RAPGEF3: variants seen among roughly 807,000 people sequenced by gnomAD.
RAPGEF3 encodes the protein Rap guanine nucleotide exchange factor 3, also known as 9330170P05Rik.
A neutral mutation model predicts 129.8 loss-of-function variants in RAPGEF3; 103 were observed. The ratio of observed to expected loss-of-function variants is 0.79; its 90% CI spans 0.68 to 0.93. The LOEUF is 0.93. Among genes scored for constraint, RAPGEF3 ranks in the 40% least tolerant of loss-of-function variants. The pLI is 0.00. For synonymous variants in RAPGEF3, 436 were observed against 482.6 expected (o/e 0.90, Z 1.26); for missense variants, 1,117 against 1,207.4 (o/e 0.93, Z 1.11).
intron 15 of RAPGEF3, 70 bp downstream of exon 15, chr12:47,747,474 A>C: frequency 6.6e-7 from 1 of 1,507,598 alleles, no homozygotes. Context: ...TTGACTCCAG[A>C]GCGTATGCTC....
In RAPGEF3 at chr12:47,758,747, T is replaced by A; in HGVS notation, c.-191A>T. 3 of 1,242,760 alleles carry A rather than the reference T, an allele frequency of 2.4e-6. No homozygotes were observed. Among genetic ancestry groups the A allele is most frequent in the Non-Finnish European group, 3.0e-6 (3 of 986,830 alleles). 77.0% of individuals were successfully genotyped at this position (1,242,760 alleles called of 1,614,324 possible). ...ATGCAGGGCTCGGTGGAGAGGCTCC[T>A]CTTGGGTGAGTAGAGGGGTGGGGGC... On this transcript the variant is annotated 5_prime_UTR_variant, in exon 1 of 28. Transcript: ENST00000449771.
intron 2 of RAPGEF3, among the ~76,000 whole-genome samples, chr12:47,752,207 T>C (rs1941794350): frequency 6.6e-6 from 1 of 152,146 alleles, no homozygotes; most frequent in Non-Finnish European, 1.5e-5. Context: ...CTCCCTACAG[T>C]TGAGAGCCCT....
In RAPGEF3 at chr12:47,740,123, G is replaced by T; in HGVS notation, c.2373+18C>A. 6.2e-7 allele frequency: 1 copy of T among 1,610,386 alleles called. No individual in the cohort carries two copies. The highest frequency in any genetic ancestry group is 8.5e-7 in the Non-Finnish European group (1 of 1,178,600). On this transcript the variant is annotated intron_variant, in intron 23 of 27. Coordinates refer to ENST00000449771, the MANE Select transcript of RAPGEF3 (RefSeq NM_001098531.4). ...GCTGATCCTAGCAGAGCCAGGCCGG[G>T]CAGGGTGGAGCACTCACCAGCAGCC...
Position 47,738,189 on chromosome 12 carries a change from T to G in RAPGEF3, c.2581+4A>C, listed in dbSNP as rs1940910548. 6.2e-7 allele frequency: 1 copy of G among 1,612,108 alleles called. No individual in the cohort carries two copies. Among genetic ancestry groups the G allele is most frequent in the Non-Finnish European group, 8.5e-7 (1 of 1,178,748 alleles). On this transcript the variant is annotated splice_donor_region_variant and intron_variant, in intron 26 of 27. Transcript: ENST00000449771. ...CCTCCCACCCCGGGGACCCGCCCTC[T>G]CACCAGGGTTGTGGCTTCGGCAGTG... is the stretch of plus-strand genomic sequence containing the variant.
At chr12:47,755,721 T>C (rs1942015276) in intron 2 of RAPGEF3, 3 of 152,240 alleles carry the variant, frequency 2.0e-5, no homozygotes, top group Non-Finnish European at 4.4e-5. Flanking sequence ...GAAAGAGCTG[T>C]CTTCAGACTT....
chr12:47,743,955 CGG>C (rs1941294783), intron 17 of RAPGEF3, 30 bp downstream of exon 17: 1 of 1,542,786 alleles, frequency 6.5e-7, no homozygotes, highest in Non-Finnish European at 9.0e-7. Context: ...GTGCAGATGT[CGG>C]GCTGTGCCCA....
In RAPGEF3 at chr12:47,741,103, G is replaced by A; in HGVS notation, c.1924-63C>T. The A allele has an allele frequency of 1.6e-5, 25 of 1,558,704 alleles. No homozygotes were observed. The South Asian group carries it at 2.9e-4, about 18-fold the overall frequency. The stretch of plus-strand genomic sequence containing the variant: ...ATCCAGGGAAAGGCACAGGGTAGGG[G>A]GAGAGGGTTGGGGCAAGGACTCTAT... On this transcript the variant is annotated intron_variant, in intron 19 of 27. Coordinates refer to ENST00000449771, the MANE Select transcript of RAPGEF3 (RefSeq NM_001098531.4).
At chr12:47,748,283 G>GT (rs1218861809) in intron 12 of RAPGEF3, 131 bp from the exon 13 acceptor site, 6 of 973,114 alleles carry the variant, frequency 6.2e-6, no homozygotes, top group Non-Finnish European at 9.3e-6. Flanking sequence ...TCCAGCCCCT[G>GT]TGATAGTGCT....
Position 47,738,200 on chromosome 12 carries a change from G to A in RAPGEF3, c.2574C>T (p.His858=). 6.2e-7 allele frequency: 1 copy of A among 1,613,746 alleles called. No individual in the cohort carries two copies. The highest frequency in any genetic ancestry group is 8.5e-7 in the Non-Finnish European group (1 of 1,179,966). The part of the protein sequence containing the change: ...AARMLHHCRS[H]NPVPLSPLRS... ...GGGGACCCGCCCTCTCACCAGGGTT[G>A]TGGCTTCGGCAGTGGTGCAGCATCC... The change falls in exon 26 of 28, where the codon CAC becomes CAT. Residue 858 remains histidine, a synonymous_variant. Coordinates refer to ENST00000449771, the MANE Select transcript of RAPGEF3 (RefSeq NM_001098531.4).
intron 2 of RAPGEF3, among the ~76,000 whole-genome samples, chr12:47,754,330 G>T (rs919251243): frequency 6.6e-6 from 1 of 152,230 alleles, no homozygotes; most frequent in African/African-American, 2.4e-5. Context: ...GAAACCACTG[G>T]GTTAGACAAA....
At chr12:47,757,783 C>T (rs1942170684) in intron 2 of RAPGEF3, 83 bp downstream of exon 2, 2 of 1,346,100 alleles carry the variant, frequency 1.5e-6, no homozygotes, top group South Asian at 1.4e-5. Context: ...AGCTGGGCCA[C>T]CAGCAGCATG....
intron 16 of RAPGEF3, chr12:47,745,456 C>T (rs1238414990): frequency 6.6e-6 from 1 of 152,530 alleles, no homozygotes; most frequent in Admixed American, 6.5e-5. Context: ...TGCCCACCTC[C>T]TGCCTGCTCT....
At position 47,746,846 on chromosome 12, in the gene RAPGEF3, G is replaced by A; in HGVS notation, c.1596+14C>T. On this transcript the variant is annotated intron_variant, in intron 16 of 27. Coordinates refer to ENST00000449771, the MANE Select transcript of RAPGEF3 (RefSeq NM_001098531.4). ...AGGAGGAGCAGAGGAAAGAAACTGG[G>A]GCCAGGCAGACACCTTCATCTGAGG... is the stretch of plus-strand genomic sequence containing the variant. 5.0e-6 allele frequency: 8 copies of A among 1,587,226 alleles called. No homozygotes were observed. Among genetic ancestry groups the A allele is most frequent in the Non-Finnish European group, 6.8e-6 (8 of 1,170,654 alleles).
At chr12:47,754,782 A>C (rs1408774434) in intron 2 of RAPGEF3, among the ~76,000 whole-genome samples, 1 of 152,152 alleles carries the variant, frequency 6.6e-6, no homozygotes, top group African/African-American at 2.4e-5. Context: ...CAGGGTTCTC[A>C]GTTGGGAAGA....
chr12:47,748,638 T>A, intron 11 of RAPGEF3, 96 bp from the exon 12 acceptor site: 1 of 1,176,398 alleles, frequency 8.5e-7, no homozygotes, highest in East Asian at 2.4e-5. Context: ...TTTTCTCCAT[T>A]AGCCAGCCCT....
chr12:47,737,410 CAG>C lies in RAPGEF3; in HGVS notation c.*155_*156del, dbSNP rs1565745308. The C allele has an allele frequency of 3.1e-6, 2 of 642,666 alleles. No homozygotes were observed. Among genetic ancestry groups the C allele is most frequent in the East Asian group, 2.7e-5 (1 of 36,446 alleles). The allele number at this position is 642,666 out of a possible 1,614,324, so 39.8% of individuals were successfully genotyped here. The stretch of plus-strand genomic sequence containing the variant: ...GGTCCTCCTTAGCTGCCAGTCATCA[CAG>C]GGGATGGCTGCCTCCACACTGCCTG... On this transcript the variant is annotated 3_prime_UTR_variant, in exon 28 of 28. Transcript: ENST00000449771.
intron 25 of RAPGEF3, 62 bp downstream of exon 25, chr12:47,738,628 C>T: frequency 4.2e-6 from 6 of 1,435,992 alleles, no homozygotes; most frequent in Non-Finnish European, 4.9e-6. Context: ...TGCCCCTTCC[C>T]AGGCCACAGT....
At chr12:47,740,269 C>G (rs779417263) in intron 22 of RAPGEF3, 36 bp downstream of exon 22, 50 of 1,612,708 alleles carry the variant, frequency 3.1e-5, no homozygotes, top group Non-Finnish European at 4.2e-5. Flanking sequence ...GGCCTGAGGC[C>G]TGACCTCAGG....
chr12:47,747,141 G>C (rs537865635), intron 15 of RAPGEF3, among the ~76,000 whole-genome samples: 2 of 152,194 alleles, frequency 1.3e-5, no homozygotes, highest in Non-Finnish European at 2.9e-5. Flanking sequence ...CAGGGTTTCA[G>C]ATCAAGTGCT....
Sources: gnomAD v4.1 joint callset for allele counts (sites outside exome capture counted in the v4.1 genomes callset) on GRCh38, gnomAD v4.1.1 for gene constraint, MANE v1.5 for transcripts, NCBI Gene and HGNC (gene_info 2026-07-23, HGNC 2026-07-21) for gene names.